OPCML: variants seen among roughly 807,000 people sequenced by gnomAD.
OPCML encodes opioid binding protein/cell adhesion molecule like, also known as opioid-binding protein/cell adhesion molecule.
OPCML carries 13 observed loss-of-function variants against 37.8 expected under a neutral mutation model. The observed-to-expected ratio is 0.34, with a 90% CI of 0.22 to 0.55. The LOEUF (loss-of-function observed/expected upper bound fraction) is 0.55. Ranked by LOEUF, OPCML falls within the 20% of genes least tolerant of loss-of-function variation. The pLI is 0.91. For missense variants in OPCML, 341 were observed against 435.6 expected (o/e 0.78, Z 1.93); for synonymous variants, 176 against 168.8 (o/e 1.04, Z -0.33).
chr11:132,939,539 G>A lies in OPCML; in HGVS notation c.146+3387C>T, dbSNP rs114473269. On this transcript the variant is annotated intron_variant, in intron 2 of 7. Transcript: ENST00000524381. ...CAGTATGTTGGTGGGAACTTTTCCC[G>A]TTGAGTGGAACAGTTACAACCACCA... 7.5e-3 allele frequency among the ~76,000 whole-genome samples: 1,149 copies of A among 152,278 alleles called. 15 individuals are homozygous for A. The highest frequency in any genetic ancestry group is 0.026 in the African/African-American group (1,074 of 41,552).
intron 2 of OPCML, among the ~76,000 whole-genome samples, chr11:132,893,348 T>C (rs1326436129): frequency 6.6e-6 from 1 of 152,220 alleles, no homozygotes; most frequent in African/African-American, 2.4e-5. Context: ...CGCTTGACCA[T>C]GGCTGTGAGA....
intron 1 of OPCML, among the ~76,000 whole-genome samples, chr11:133,183,078 C>T (rs1937910668): frequency 6.6e-6 from 1 of 152,136 alleles, no homozygotes; most frequent in Non-Finnish European, 1.5e-5. Flanking sequence ...TGAATAAAAT[C>T]TCATTAATAA....
At chr11:133,423,680 A>G (rs902934961) in intron 1 of OPCML, among the ~76,000 whole-genome samples, 1 of 152,192 alleles carries the variant, frequency 6.6e-6, no homozygotes, top group Admixed American at 6.5e-5. Flanking sequence ...AGAGACTGAT[A>G]CAATTTGGAT....
chr11:132,627,078 G>A (rs1234877849), intron 3 of OPCML, among the ~76,000 whole-genome samples: 2 of 152,012 alleles, frequency 1.3e-5, no homozygotes, highest in African/African-American at 2.4e-5. Flanking sequence ...GCAATTAGGA[G>A]AGTATTTTAG....
intron 1 of OPCML, among the ~76,000 whole-genome samples, chr11:132,981,773 A>G (rs750506871): frequency 6.6e-6 from 1 of 152,204 alleles, no homozygotes; most frequent in Non-Finnish European, 1.5e-5. Context: ...TTGACAGGAA[A>G]CTATGATAGC....
intron 2 of OPCML, among the ~76,000 whole-genome samples, chr11:132,731,472 G>A (rs1945073120): frequency 6.6e-6 from 1 of 152,190 alleles, no homozygotes; most frequent in East Asian, 1.9e-4. Context: ...TACAGACTAT[G>A]AAAGATAAGC....
At chr11:132,674,182 C>T (rs954821824) in intron 2 of OPCML, among the ~76,000 whole-genome samples, 1 of 152,174 alleles carries the variant, frequency 6.6e-6, no homozygotes, top group African/African-American at 2.4e-5. Flanking sequence ...CTAGGCACTG[C>T]GTTCACCTCA....
intron 1 of OPCML, among the ~76,000 whole-genome samples, chr11:133,277,935 A>T (rs1452924482): frequency 6.6e-6 from 1 of 152,180 alleles, no homozygotes; most frequent in African/African-American, 2.4e-5. Context: ...CTCTGCTAGG[A>T]CATGGCAGAG....
rs1211453581 is a variant in OPCML, at chr11:133,142,494, C to A, written c.62-199484G>T. Among the ~76,000 whole-genome samples, 3 of 152,176 alleles carry A rather than the reference C, an allele frequency of 2.0e-5. No individual in the cohort carries two copies. The South Asian group carries it at 6.2e-4, about 31-fold the overall frequency. On this transcript the variant is annotated intron_variant, in intron 1 of 7. Coordinates refer to ENST00000524381, the MANE Select transcript of OPCML (RefSeq NM_001012393.5). ...TTAACTTCCCCTGATCTATTTTGCA[C>A]TTTTATCAGAATTGCTTACTCAATA...
In OPCML at chr11:132,505,248, G is replaced by A. The variant is rs188175477; in HGVS notation, c.505+23813C>T. Among the ~76,000 whole-genome samples, 3 of 100,464 alleles carry A rather than the reference G, an allele frequency of 3.0e-5. No homozygotes were observed. In the South Asian group the frequency reaches 9.2e-4, roughly 31 times the overall value. 65.9% of individuals were successfully genotyped at this position (100,464 alleles called of 152,430 possible). A position where few individuals can be genotyped will look rare whatever the true frequency, so the allele number is the denominator to read the frequency against. On this transcript the variant is annotated intron_variant, in intron 4 of 7. Coordinates refer to ENST00000524381, the MANE Select transcript of OPCML (RefSeq NM_001012393.5). ...AGAATGAGTATTGAGAAAATACTGT[G>A]GAAAAAGGAAAATAAAGACTAGTCA...
At chr11:132,745,079 C>T (rs1298689032) in intron 2 of OPCML, among the ~76,000 whole-genome samples, 4 of 152,230 alleles carry the variant, frequency 2.6e-5, no homozygotes, top group Middle Eastern at 6.3e-3. Context: ...CTCACACTCA[C>T]ACAGCCACAC....
intron 1 of OPCML, among the ~76,000 whole-genome samples, chr11:133,012,975 A>G (rs1947249409): frequency 6.6e-6 from 1 of 152,150 alleles, no homozygotes; most frequent in East Asian, 1.9e-4. Flanking sequence ...TCCCTTCCCA[A>G]AGGACTTTGC....
intron 1 of OPCML, among the ~76,000 whole-genome samples, chr11:133,118,553 G>T (rs1413580212): frequency 6.6e-6 from 1 of 152,086 alleles, no homozygotes; most frequent in Non-Finnish European, 1.5e-5. Flanking sequence ...AGTCAAGGGG[G>T]CTGAGAGGTG....
intron 7 of OPCML, among the ~76,000 whole-genome samples, chr11:132,430,238 G>A (rs1377268088): frequency 6.6e-6 from 1 of 152,144 alleles, no homozygotes; most frequent in East Asian, 1.9e-4. Flanking sequence ...CCTGGGGATA[G>A]GTGTAGTTGT....
intron 2 of OPCML, among the ~76,000 whole-genome samples, chr11:132,814,368 A>G (rs1235493220): frequency 6.6e-6 from 1 of 152,212 alleles, no homozygotes; most frequent in Non-Finnish European, 1.5e-5. Context: ...GAGCCCCAGG[A>G]AAACCAGTGG....
intron 2 of OPCML, among the ~76,000 whole-genome samples, chr11:132,730,008 CT>C (rs11389495): frequency 0.038 from 3,351 of 88,272 alleles, 31 homozygotes; most frequent in African/African-American, 0.11. Context: ...TTCTATGTGA[CT>C]TTTTTTTTTT....
chr11:132,958,314 G>A (rs1166613616), intron 1 of OPCML, among the ~76,000 whole-genome samples: 1 of 152,248 alleles, frequency 6.6e-6, no homozygotes, highest in Non-Finnish European at 1.5e-5. Flanking sequence ...GACAGGTAAG[G>A]AAGCTGCAGA....
chr11:132,801,279 TC>T (rs1938633115), intron 2 of OPCML, among the ~76,000 whole-genome samples: 1 of 152,216 alleles, frequency 6.6e-6, no homozygotes, highest in Admixed American at 6.5e-5. Context: ...GTCTTCTCTT[TC>T]CCAGTCTAGC....
chr11:133,397,084 T>G (rs1445062399), intron 1 of OPCML, among the ~76,000 whole-genome samples: 1 of 152,224 alleles, frequency 6.6e-6, no homozygotes, highest in Non-Finnish European at 1.5e-5. Flanking sequence ...ATGATTTTCC[T>G]GGCAACTGAA....
Sources: gnomAD v4.1 joint callset for allele counts (sites outside exome capture counted in the v4.1 genomes callset) on GRCh38, gnomAD v4.1.1 for gene constraint, MANE v1.5 for transcripts, NCBI Gene and HGNC (gene_info 2026-07-23, HGNC 2026-07-21) for gene names.